The following KCTD16 variants were observed in gnomAD, a reference collection of about 807,000 sequenced individuals.
The protein encoded by KCTD16 is BTB/POZ domain-containing protein KCTD16.
A neutral mutation model predicts 33.2 loss-of-function variants in KCTD16; 13 were observed. The ratio of observed to expected loss-of-function variants is 0.39; its 90% CI spans 0.25 to 0.62. KCTD16 has a LOEUF of 0.62. Ranked by LOEUF, KCTD16 falls within the 20% of genes least tolerant of loss-of-function variation. KCTD16 has a pLI of 0.50. For synonymous variants in KCTD16, 197 were observed against 195.3 expected (o/e 1.01, Z -0.07); for missense variants, 441 against 525.1 (o/e 0.84, Z 1.57).
In KCTD16 at chr5:144,358,513, C is replaced by T. The variant is rs540504796; in HGVS notation, c.833-115147C>T. ...TTGGTGATAGTTCAAAGTTAACATT[C>T]GAGGCCTTTTGTAAAGGTAAGATCC... On this transcript the variant is annotated intron_variant, in intron 3 of 3. Transcript: ENST00000512467. Among the ~76,000 whole-genome samples the T allele has an allele frequency of 1.4e-4, 21 of 152,226 alleles. 1 individual carries two copies. The highest frequency in any genetic ancestry group is 8.5e-4 in the Admixed American group (13 of 15,274).
chr5:144,444,567 A>G (rs1279240356), intron 3 of KCTD16, among the ~76,000 whole-genome samples: 2 of 152,036 alleles, frequency 1.3e-5, no homozygotes, highest in Non-Finnish European at 2.9e-5. Context: ...CACATTTTAC[A>G]GTTAATAGTT....
At chr5:144,212,374 G>T (rs982654383) in intron 3 of KCTD16, among the ~76,000 whole-genome samples, 1 of 152,138 alleles carries the variant, frequency 6.6e-6, no homozygotes, top group Non-Finnish European at 1.5e-5. Context: ...TTCTTCCTGG[G>T]TCTGTGGCAT....
Position 144,474,164 on chromosome 5 carries a change from C to A in KCTD16, c.*50C>A. 1.4e-6 allele frequency: 2 copies of A among 1,395,434 alleles called. No individual in the cohort carries two copies. Among genetic ancestry groups the A allele is most frequent in the Non-Finnish European group, 2.0e-6 (2 of 1,020,208 alleles). 86.4% of individuals were successfully genotyped at this position (1,395,434 alleles called of 1,614,324 possible). A position where few individuals can be genotyped will look rare whatever the true frequency, so the allele number is the denominator to read the frequency against. ...AAAAAAAAAGTCATTTTGAAATTAA[C>A]CTCCTAAAAGGAATTCATATTTTAA... On this transcript the variant is annotated 3_prime_UTR_variant, in exon 4 of 4. Transcript: ENST00000512467.
At chr5:144,173,634 G>T (rs1752439769) in intron 1 of KCTD16, among the ~76,000 whole-genome samples, 1 of 152,068 alleles carries the variant, frequency 6.6e-6, no homozygotes, top group South Asian at 2.1e-4. Context: ...TAAAAAATTT[G>T]CCTGTTTAGG....
At chr5:144,265,598 G>A (rs112661935) in intron 3 of KCTD16, among the ~76,000 whole-genome samples, 3 of 152,158 alleles carry the variant, frequency 2.0e-5, no homozygotes, top group African/African-American at 7.2e-5. Context: ...AGGAATTCAC[G>A]AAGTTGGCTG....
chr5:144,228,955 G>A (rs905639531), intron 3 of KCTD16, among the ~76,000 whole-genome samples: 5 of 152,166 alleles, frequency 3.3e-5, no homozygotes, highest in African/African-American at 1.2e-4. Context: ...GAAGAGAGAA[G>A]ACCATATAAA....
chr5:144,460,039 A>C (rs1402422726), intron 3 of KCTD16, among the ~76,000 whole-genome samples: 2 of 151,400 alleles, frequency 1.3e-5, no homozygotes, highest in Non-Finnish European at 2.9e-5. Context: ...TCTCTGTGTT[A>C]GCCAGGATGG....
intron 3 of KCTD16, among the ~76,000 whole-genome samples, chr5:144,344,515 A>C (rs1752732786): frequency 6.6e-6 from 1 of 151,950 alleles, no homozygotes; most frequent in East Asian, 1.9e-4. Context: ...CAAGAAAAAA[A>C]CAAACAACCC....
intron 3 of KCTD16, among the ~76,000 whole-genome samples, chr5:144,404,006 C>T (rs777680734): frequency 8.5e-5 from 13 of 152,098 alleles, no homozygotes; most frequent in Non-Finnish European, 1.8e-4. Flanking sequence ...CGTGCGCATC[C>T]CCCCAGGCCC....
chr5:144,206,867 G>T lies in KCTD16; in HGVS notation c.153G>T (p.Leu51=). ...TGATAAGCATCCCTCATTCCCTCCT[G>T]TGGAAAATGTTTTCCCCAAAGAGAG... The part of the protein sequence containing the change: ...STLISIPHSL[L]WKMFSPKRDT... Residue 51 remains leucine (L), a synonymous_variant, in exon 3 of 4, where the codon CTG becomes CTT. Coordinates refer to ENST00000512467, the MANE Select transcript of KCTD16 (RefSeq NM_020768.4). 6.2e-7 allele frequency: 1 copy of T among 1,614,064 alleles called. No individual in the cohort carries two copies.
intron 3 of KCTD16, among the ~76,000 whole-genome samples, chr5:144,371,540 C>T (rs957160407): frequency 1.3e-5 from 2 of 152,160 alleles, no homozygotes; most frequent in African/African-American, 2.4e-5. Flanking sequence ...GGGAGGACTT[C>T]AAAATGTTCC....
At chr5:144,402,790 T>C (rs1178728587) in intron 3 of KCTD16, among the ~76,000 whole-genome samples, 1 of 152,194 alleles carries the variant, frequency 6.6e-6, no homozygotes, top group Non-Finnish European at 1.5e-5. Flanking sequence ...AATATCTGGT[T>C]TTTAAAATTA....
chr5:144,196,394 G>A lies in KCTD16; in HGVS notation c.-326-9995G>A, dbSNP rs535081071. ...ACCCTTATAGGTATAAATGACCTCG[G>A]ACCAAATGGCAATAAAAGGAAGGTA... On this transcript the variant is annotated intron_variant, in intron 2 of 3. Coordinates refer to ENST00000512467, the MANE Select transcript of KCTD16 (RefSeq NM_020768.4). 2.6e-4 allele frequency among the ~76,000 whole-genome samples: 40 copies of A among 152,150 alleles called. No homozygotes were observed. The Middle Eastern group carries it at 0.01, about 39-fold the overall frequency.
At chr5:144,282,049 A>G (rs1208268912) in intron 3 of KCTD16, among the ~76,000 whole-genome samples, 1 of 152,202 alleles carries the variant, frequency 6.6e-6, no homozygotes, top group Non-Finnish European at 1.5e-5. Flanking sequence ...AATGATAAGA[A>G]TGATAAGAAT....
chr5:144,226,605 G>T (rs1056749233), intron 3 of KCTD16, among the ~76,000 whole-genome samples: 1 of 150,820 alleles, frequency 6.6e-6, no homozygotes. Flanking sequence ...CAGGGTCTCA[G>T]TCTATTACCC....
intron 3 of KCTD16, among the ~76,000 whole-genome samples, chr5:144,456,673 T>C (rs1170565434): frequency 2.0e-5 from 3 of 152,220 alleles, no homozygotes; most frequent in Non-Finnish European, 2.9e-5. Context: ...GAATGTATTT[T>C]TGACTGATAA....
At chr5:144,204,430 C>T (rs1753114327) in intron 2 of KCTD16, among the ~76,000 whole-genome samples, 1 of 152,128 alleles carries the variant, frequency 6.6e-6, no homozygotes, top group East Asian at 1.9e-4. Flanking sequence ...ACTGGAAGCA[C>T]TTTGTTAGTG....
At chr5:144,300,657 A>G (rs976810146) in intron 3 of KCTD16, among the ~76,000 whole-genome samples, 10 of 152,208 alleles carry the variant, frequency 6.6e-5, no homozygotes, top group African/African-American at 1.2e-4. Flanking sequence ...AATATGCCCC[A>G]CTAGTGAAGA....
chr5:144,460,572 G>A (rs1453698815), intron 3 of KCTD16, among the ~76,000 whole-genome samples: 1 of 152,174 alleles, frequency 6.6e-6, no homozygotes, highest in Non-Finnish European at 1.5e-5. Context: ...CTTCTGAGTA[G>A]CTGGAATTAC....
Sources: allele counts gnomAD v4.1 joint callset (sites outside exome capture counted in the v4.1 genomes callset), GRCh38; gene constraint gnomAD v4.1.1; transcripts MANE v1.5; gene names NCBI Gene and HGNC (gene_info 2026-07-23, HGNC 2026-07-21).